Variants in UGT1A7 observed in about 807,000 individuals in gnomAD.
UGT1A7 encodes the protein UDP glucuronosyltransferase family 1 member A7.
A neutral mutation model predicts 45.6 loss-of-function variants in UGT1A7; 33 were observed. The observed-to-expected ratio is 0.72, with a 90% CI of 0.55 to 0.97. The LOEUF (loss-of-function observed/expected upper bound fraction) is 0.97, where lower values mean the gene tolerates loss of function less well. UGT1A7 is among the 50% of genes least tolerant of loss of function. The pLI is 0.00. For missense variants in UGT1A7, 684 were observed against 666.2 expected (o/e 1.03, Z -0.29); for synonymous variants, 274 against 250.6 (o/e 1.09, Z -0.88).
chr2:233,711,236 A>G (rs1269842437), intron 1 of UGT1A7, among the ~76,000 whole-genome samples: 2 of 152,194 alleles, frequency 1.3e-5, no homozygotes, highest in Non-Finnish European at 2.9e-5. Flanking sequence ...TGAAGGCACC[A>G]CCATCTTCCA....
intron 1 of UGT1A7, among the ~76,000 whole-genome samples, chr2:233,706,438 T>C (rs980431850): frequency 1.4e-4 from 21 of 152,242 alleles, no homozygotes; most frequent in African/African-American, 4.6e-4. Context: ...ACAGACTTGG[T>C]CAAAGCAAAT....
intron 1 of UGT1A7, chr2:233,713,396 G>C: frequency 6.2e-7 from 1 of 1,614,032 alleles, no homozygotes; most frequent in East Asian, 2.2e-5. Context: ...TGCATAATGA[G>C]GCCCTGATCA....
chr2:233,731,014 G>A (rs759586462), intron 1 of UGT1A7, among the ~76,000 whole-genome samples: 7 of 152,190 alleles, frequency 4.6e-5, no homozygotes, highest in Non-Finnish European at 7.3e-5. Context: ...TACATCGTGA[G>A]AGAATCAGCC....
At chr2:233,751,385 T>C (rs1694712496) in intron 1 of UGT1A7, among the ~76,000 whole-genome samples, 1 of 152,160 alleles carries the variant, frequency 6.6e-6, no homozygotes, top group African/African-American at 2.4e-5. Flanking sequence ...TTGCCTTGTC[T>C]CAGATAAGAC....
intron 1 of UGT1A7, chr2:233,691,746 C>A: frequency 1.7e-6 from 1 of 577,624 alleles, no homozygotes; most frequent in Non-Finnish European, 2.2e-6. Context: ...AGATACCAGG[C>A]TTTCTGACTC....
At chr2:233,690,852 CCTT>C in intron 1 of UGT1A7, 1 of 1,064,850 alleles carries the variant, frequency 9.4e-7, no homozygotes. Context: ...TTTTCTAATA[CCTT>C]CTTAATTTGC....
At chr2:233,762,032 T>A (rs34562642) in intron 1 of UGT1A7, among the ~76,000 whole-genome samples, 31 of 152,346 alleles carry the variant, frequency 2.0e-4, no homozygotes, top group East Asian at 3.9e-4. Context: ...TTATTTTTTT[T>A]AATTTTCTGT....
rs1249227903 is a variant in UGT1A7 at position 233,691,705 on chromosome 2, C to T, written c.855+8913C>T. 5.3e-6 allele frequency: 5 copies of T among 943,294 alleles called. No individual in the cohort carries two copies. The African/African-American group carries it at 5.3e-5, about 10-fold the overall frequency. The allele number at this position is 943,294 out of a possible 1,614,324, so 58.4% of individuals were successfully genotyped here. A position where few individuals can be genotyped will look rare whatever the true frequency, so the allele number is the denominator to read the frequency against. On this transcript the variant is annotated intron_variant, in intron 1 of 4. Coordinates refer to ENST00000373426, the MANE Select transcript of UGT1A7 (RefSeq NM_019077.3). ...CCTGAAGCTCAGGAGAGGAGTCACT[C>T]CCCTGGCAGATGGGTGGCTGGGCCA...
chr2:233,722,529 T>C lies in UGT1A7; in HGVS notation c.855+39737T>C, dbSNP rs1318549990. ...TAATTGCAGCTTATTTTTGCCTTAA[T>C]GATTTCATCCTAGTTTCTTTTGGTT... On this transcript the variant is annotated intron_variant, in intron 1 of 4. Transcript: ENST00000373426. 2.0e-5 allele frequency among the ~76,000 whole-genome samples: 3 copies of C among 152,366 alleles called. No individual in the cohort carries two copies. In the East Asian group the frequency reaches 5.8e-4, roughly 29 times the overall value.
chr2:233,746,538 T>G (rs575149330), intron 1 of UGT1A7, among the ~76,000 whole-genome samples: 26 of 151,796 alleles, frequency 1.7e-4, no homozygotes, highest in Non-Finnish European at 3.5e-4. Flanking sequence ...GCTGCCCTGC[T>G]GTGTGACTTC....
chr2:233,717,905 A>C (rs2076614960), intron 1 of UGT1A7: 1 of 454,688 alleles, frequency 2.2e-6, no homozygotes, highest in Non-Finnish European at 4.4e-6. Context: ...AGGATGAAAT[A>C]AAGGCCTGGA....
intron 1 of UGT1A7, among the ~76,000 whole-genome samples, chr2:233,748,306 G>A (rs1220013639): frequency 1.3e-5 from 2 of 151,694 alleles, no homozygotes; most frequent in Non-Finnish European, 2.9e-5. Context: ...TTTATCAAAG[G>A]ATGGACTAGG....
At chr2:233,761,128 C>T in intron 1 of UGT1A7, 1 of 1,614,190 alleles carries the variant, frequency 6.2e-7, no homozygotes, top group Non-Finnish European at 8.5e-7. Context: ...AATCAACTGC[C>T]TTCACCAAAA....
intron 1 of UGT1A7, chr2:233,693,893 C>A (rs756262106): frequency 6.2e-7 from 1 of 1,613,750 alleles, no homozygotes; most frequent in Non-Finnish European, 8.5e-7. Flanking sequence ...TTTTGGACTG[C>A]CTTGTTTCTT....
chr2:233,730,580 A>G (rs954835717), intron 1 of UGT1A7, among the ~76,000 whole-genome samples: 1 of 152,190 alleles, frequency 6.6e-6, no homozygotes, highest in Admixed American at 6.5e-5. Flanking sequence ...TTCAGTTTCC[A>G]GACAGGGATC....
chr2:233,754,256 G>T (rs1695431509), intron 1 of UGT1A7: 1 of 171,288 alleles, frequency 5.8e-6, no homozygotes, highest in Admixed American at 5.6e-5. Flanking sequence ...AACGGAAAAA[G>T]GTAAGGCTCA....
intron 1 of UGT1A7, among the ~76,000 whole-genome samples, chr2:233,695,134 T>C (rs112070935): frequency 8.5e-5 from 6 of 70,536 alleles, no homozygotes; most frequent in South Asian, 5.4e-4. Context: ...TCTTTTCTTT[T>C]TTTTTTTTTT....
intron 1 of UGT1A7, among the ~76,000 whole-genome samples, chr2:233,757,238 GT>G (rs1696448316): frequency 6.7e-6 from 1 of 149,106 alleles, no homozygotes; most frequent in Admixed American, 6.7e-5. Context: ...AGAAGTGGTG[GT>G]GAGGTGGGGT....
At chr2:233,772,163 T>C in intron 4 of UGT1A7, 99 bp from the exon 5 acceptor site, 2 of 1,568,298 alleles carry the variant, frequency 1.3e-6, no homozygotes, top group South Asian at 1.2e-5. Context: ...TTCCCAAGTT[T>C]GGAAAATCTG....
Sources: gnomAD v4.1 joint callset for allele counts (sites outside exome capture counted in the v4.1 genomes callset) on GRCh38, gnomAD v4.1.1 for gene constraint, MANE v1.5 for transcripts, NCBI Gene and HGNC (gene_info 2026-07-23, HGNC 2026-07-21) for gene names.